LARGE1: variants seen among roughly 807,000 people sequenced by gnomAD.
The protein encoded by LARGE1 is xylosyl- and glucuronyltransferase LARGE1.
In LARGE1, 43 loss-of-function variants were observed where a neutral mutation model predicts 87.6. The ratio of observed to expected loss-of-function variants is 0.49; its 90% CI spans 0.38 to 0.63. The LOEUF (loss-of-function observed/expected upper bound fraction) is 0.63. Among genes scored for constraint, LARGE1 ranks in the 30% least tolerant of loss-of-function variants. LARGE1 has a pLI of 0.00. For synonymous variants in LARGE1, 434 were observed against 394.6 expected, an observed-to-expected ratio of 1.10 and a Z score of -1.18; for missense variants, 802 against 1,000.2, an observed-to-expected ratio of 0.80 and a Z score of 2.67.
intron 1 of LARGE1, among the ~76,000 whole-genome samples, chr22:33,875,011 C>A (rs919540108): frequency 6.6e-6 from 1 of 152,194 alleles, no homozygotes; most frequent in Non-Finnish European, 1.5e-5. Flanking sequence ...TCACCCCAGG[C>A]AGTCTAGCTC....
Position 33,650,524 on chromosome 22 carries a change from C to G in LARGE1, c.251G>C (p.Ser84Thr), listed in dbSNP as rs398124184. 9.7e-4 allele frequency: 1,563 copies of G among 1,612,158 alleles called. 32 individuals are homozygous for G. The South Asian group carries it at 0.016, about 17-fold the overall frequency. The change falls in exon 3 of 15, where the codon AGC (serine) becomes ACC (threonine). Residue 84 changes from serine to threonine, a missense_variant. By Grantham distance (58) the Ser-to-Thr change is moderately conservative (BLOSUM62 1). Around this residue, in one of 2 missense-constraint regions of LARGE1, gnomAD observed 177 missense variants for 158.3 expected, o/e 1.12. Coordinates refer to ENST00000397394, the MANE Select transcript of LARGE1 (RefSeq NM_133642.5). The part of the protein sequence containing the change: ...EENRALRRQL[S>T]LAQGRAPSHR... ...GGATGGGGCTCGGCCCTGGGCCAGG[C>G]TGAGCTGCCTGCGGAGGGCGCGGTT...
At chr22:33,876,942 G>C (rs5754737) in intron 1 of LARGE1, among the ~76,000 whole-genome samples, 18,215 of 150,802 alleles carry the variant, frequency 0.12, 1,296 homozygotes, top group East Asian at 0.34. Flanking sequence ...CTCCAGATCT[G>C]AACACTCTGG....
intron 2 of LARGE1, among the ~76,000 whole-genome samples, chr22:33,742,641 C>T (rs4821181): frequency 0.16 from 24,641 of 152,136 alleles, 2,594 homozygotes; most frequent in Admixed American, 0.34. Flanking sequence ...TACCACATGG[C>T]GAGAGCACTG....
chr22:33,587,056 T>G (rs79726402), intron 5 of LARGE1, among the ~76,000 whole-genome samples: 1 of 152,232 alleles, frequency 6.6e-6, no homozygotes, highest in East Asian at 1.9e-4. Context: ...TATTACATCA[T>G]GAGCATTTCC....
At chr22:33,852,842 C>T (rs1323230984) in intron 1 of LARGE1, among the ~76,000 whole-genome samples, 6 of 113,948 alleles carry the variant, frequency 5.3e-5, no homozygotes, top group South Asian at 5.9e-4. Context: ...GGCAAGACAG[C>T]GAGACTCCGT....
At chr22:33,624,855 A>G (rs1209451719) in intron 4 of LARGE1, among the ~76,000 whole-genome samples, 2 of 152,224 alleles carry the variant, frequency 1.3e-5, no homozygotes, top group Admixed American at 1.3e-4. Flanking sequence ...GTGGCCCTGA[A>G]TGACATCAGT....
chr22:33,535,180 G>A (rs921097619), intron 6 of LARGE1, among the ~76,000 whole-genome samples: 2 of 152,214 alleles, frequency 1.3e-5, no homozygotes, highest in African/African-American at 4.8e-5. Context: ...CCAGCACCCT[G>A]CTGCAACCCT....
At chr22:33,907,587 CAG>C (rs1249247262) in intron 1 of LARGE1, among the ~76,000 whole-genome samples, 1 of 148,318 alleles carries the variant, frequency 6.7e-6, no homozygotes, top group Non-Finnish European at 1.5e-5. Flanking sequence ...TTTTTTGAGA[CAG>C]AGTCTCGCTC....
At chr22:33,670,145 T>C (rs748884231) in intron 2 of LARGE1, among the ~76,000 whole-genome samples, 7 of 152,302 alleles carry the variant, frequency 4.6e-5, no homozygotes, top group Middle Eastern at 3.4e-3. Context: ...TAAGATCCAA[T>C]AGCAGTTATT....
chr22:33,115,941 T>C, the LARGE1 span, among the ~76,000 whole-genome samples: 1 of 152,150 alleles, frequency 6.6e-6, no homozygotes, highest in Non-Finnish European at 1.5e-5. Flanking sequence ...CCAAACCTAC[T>C]GACACCTCCA....
intron 5 of LARGE1, among the ~76,000 whole-genome samples, chr22:33,596,050 C>CA (rs1277693582): frequency 1.3e-5 from 2 of 152,108 alleles, no homozygotes. Context: ...GATTAATGAC[C>CA]ATTTGTATAG....
At chr22:33,877,625 T>C (rs1266762328) in intron 1 of LARGE1, among the ~76,000 whole-genome samples, 1 of 152,138 alleles carries the variant, frequency 6.6e-6, no homozygotes, top group Middle Eastern at 3.2e-3. Context: ...TGAGCTGTGC[T>C]ATAAATTAAA....
chr22:33,629,451 G>A (rs1046933067), intron 3 of LARGE1, among the ~76,000 whole-genome samples: 3 of 152,006 alleles, frequency 2.0e-5, no homozygotes, highest in East Asian at 1.9e-4. Flanking sequence ...TAGTTTCATC[G>A]AATACACCTG....
intron 6 of LARGE1, among the ~76,000 whole-genome samples, chr22:33,452,240 G>C (rs1247239940): frequency 6.6e-6 from 1 of 152,170 alleles, no homozygotes; most frequent in Non-Finnish European, 1.5e-5. Context: ...GCTAAGTGGT[G>C]ACAAGAGATG....
In LARGE1 at chr22:33,893,850, C is replaced by G. The variant is rs563556797; in HGVS notation, c.-83+26145G>C. 2.0e-5 allele frequency among the ~76,000 whole-genome samples: 3 copies of G among 152,308 alleles called. No individual in the cohort carries two copies. The South Asian group carries it at 6.2e-4, about 32-fold the overall frequency. On this transcript the variant is annotated intron_variant, in intron 1 of 14. Transcript: ENST00000397394. ...ACTCTAAGCAAAGACAAAAGGCAGT[C>G]CATGCAGGCCTATTATTAAGGCCCG...
intron 5 of LARGE1, among the ~76,000 whole-genome samples, chr22:33,591,032 C>T (rs1301414194): frequency 6.6e-6 from 1 of 152,182 alleles, no homozygotes; most frequent in Non-Finnish European, 1.5e-5. Flanking sequence ...AAAACCCCGT[C>T]TCTACTAAAA....
intron 7 of LARGE1, among the ~76,000 whole-genome samples, chr22:33,386,341 C>G (rs1231543879): frequency 1.3e-5 from 2 of 148,944 alleles, no homozygotes; most frequent in East Asian, 3.8e-4. Context: ...TCCACTCAAC[C>G]ACATAGACTA....
intron 5 of LARGE1, among the ~76,000 whole-genome samples, chr22:33,585,655 A>G (rs2078650596): frequency 6.6e-6 from 1 of 152,212 alleles, no homozygotes; most frequent in South Asian, 2.1e-4. Context: ...GGAACTGCCA[A>G]TCGAAGGGCT....
intron 2 of LARGE1, among the ~76,000 whole-genome samples, chr22:33,679,005 C>T (rs930090368): frequency 8.5e-5 from 13 of 152,148 alleles, no homozygotes; most frequent in African/African-American, 3.1e-4. Flanking sequence ...AGCCCGGATC[C>T]CTTCAATTCA....
Sources: gnomAD v4.1 joint callset for allele counts (sites outside exome capture counted in the v4.1 genomes callset) on GRCh38, gnomAD v4.1.1 for gene constraint, gnomAD v4.1.1 regional missense constraint, MANE v1.5 for transcripts, NCBI Gene and HGNC (gene_info 2026-07-23, HGNC 2026-07-21) for gene names.